EPHA3: variants seen among roughly 807,000 people sequenced by gnomAD.
EPHA3 encodes the protein EPH receptor A3, also known as ephrin type-A receptor 3.
In EPHA3, 42 loss-of-function variants were observed where a neutral mutation model predicts 107.1. That is an observed-to-expected ratio of 0.39 (90% CI 0.31 to 0.51). The LOEUF is 0.51. Among genes scored for constraint, EPHA3 ranks in the 20% least tolerant of loss-of-function variants. EPHA3 has a pLI of 0.78. For missense variants in EPHA3, 1,183 were observed against 1,211.2 expected (o/e 0.98, Z 0.35); for synonymous variants, 461 against 424.8 (o/e 1.09, Z -1.05).
Position 89,279,022 on chromosome 3 carries a change from T to G in EPHA3, c.815-61894T>G, listed in dbSNP as rs536833031. Among the ~76,000 whole-genome samples, 6 of 152,342 alleles carry G rather than the reference T, an allele frequency of 3.9e-5. 1 individual carries two copies. The South Asian group carries it at 1.2e-3, about 32-fold the overall frequency. On this transcript the variant is annotated intron_variant, in intron 3 of 16. Coordinates refer to ENST00000336596, the MANE Select transcript of EPHA3 (RefSeq NM_005233.6). ...TTGAACCAAATGTGTATATAGTGTT[T>G]TTTTCCCCTCACATTTTTAAATAGC... is the stretch of plus-strand genomic sequence containing the variant.
intron 10 of EPHA3, among the ~76,000 whole-genome samples, chr3:89,413,716 G>A (rs1210280296): frequency 6.6e-6 from 1 of 151,634 alleles, no homozygotes; most frequent in Non-Finnish European, 1.5e-5. Context: ...ACTATCTTGG[G>A]TGGATATTTT....
intron 3 of EPHA3, among the ~76,000 whole-genome samples, chr3:89,314,790 G>C (rs990520065): frequency 2.0e-5 from 3 of 151,932 alleles, no homozygotes; most frequent in Admixed American, 2.0e-4. Context: ...ATTATTCCCT[G>C]ATGGAAATTA....
At chr3:89,362,526 C>T (rs1470696614) in intron 5 of EPHA3, among the ~76,000 whole-genome samples, 1 of 151,088 alleles carries the variant, frequency 6.6e-6, no homozygotes, top group Admixed American at 6.7e-5. Context: ...TTTTTTTAGT[C>T]ACAAAGGCTG....
At chr3:89,325,998 A>G (rs906582780) in intron 3 of EPHA3, among the ~76,000 whole-genome samples, 2 of 151,284 alleles carry the variant, frequency 1.3e-5, no homozygotes, top group African/African-American at 4.8e-5. Context: ...AGAATACAAA[A>G]TTAAAATATA....
chr3:89,432,765 A>T (rs183500400), intron 13 of EPHA3, among the ~76,000 whole-genome samples: 1 of 152,274 alleles, frequency 6.6e-6, no homozygotes, highest in Non-Finnish European at 1.5e-5. Flanking sequence ...GCATAAAGTT[A>T]CAAAAATGGG....
At chr3:89,235,283 A>C (rs1359971843) in intron 3 of EPHA3, among the ~76,000 whole-genome samples, 1 of 152,076 alleles carries the variant, frequency 6.6e-6, no homozygotes, top group Non-Finnish European at 1.5e-5. Context: ...GATTTTAAAA[A>C]TTTTCATTAA....
At chr3:89,230,629 T>C (rs1348898342) in intron 3 of EPHA3, among the ~76,000 whole-genome samples, 1 of 152,114 alleles carries the variant, frequency 6.6e-6, no homozygotes, top group African/African-American at 2.4e-5. Context: ...TGTTGTTGTT[T>C]AGTTGTTTGT....
At chr3:89,445,439 C>T (rs1201846979) in intron 13 of EPHA3, among the ~76,000 whole-genome samples, 1 of 151,976 alleles carries the variant, frequency 6.6e-6, no homozygotes, top group Admixed American at 6.6e-5. Flanking sequence ...AGTATATAAG[C>T]TCAATTAACT....
intron 2 of EPHA3, among the ~76,000 whole-genome samples, chr3:89,139,608 G>A (rs973799834): frequency 6.6e-6 from 1 of 151,758 alleles, no homozygotes; most frequent in African/African-American, 2.4e-5. Context: ...ACTTTATTTA[G>A]AGCAGTAAAA....
At chr3:89,437,504 G>T (rs1418771594) in intron 13 of EPHA3, among the ~76,000 whole-genome samples, 1 of 151,730 alleles carries the variant, frequency 6.6e-6, no homozygotes, top group African/African-American at 2.4e-5. Context: ...TAACATGTTT[G>T]TTATATTTTT....
At chr3:89,217,428 A>C (rs953157797) in intron 3 of EPHA3, among the ~76,000 whole-genome samples, 32 of 152,052 alleles carry the variant, frequency 2.1e-4, no homozygotes, top group African/African-American at 6.5e-4. Flanking sequence ...ACAAAAAAAA[A>C]CTCTAAACTT....
intron 3 of EPHA3, among the ~76,000 whole-genome samples, chr3:89,333,663 A>G (rs1378808050): frequency 6.6e-6 from 1 of 152,166 alleles, no homozygotes; most frequent in Admixed American, 6.5e-5. Flanking sequence ...CACTAAGGTC[A>G]GGAGTTCGAG....
intron 2 of EPHA3, among the ~76,000 whole-genome samples, chr3:89,177,937 A>C (rs536296826): frequency 6.6e-6 from 1 of 152,314 alleles, no homozygotes; most frequent in African/African-American, 2.4e-5. Flanking sequence ...TTTCCAAAGA[A>C]GACTGAGTCA....
At chr3:89,130,945 A>T (rs1412297908) in intron 2 of EPHA3, among the ~76,000 whole-genome samples, 2 of 152,128 alleles carry the variant, frequency 1.3e-5, no homozygotes, top group African/African-American at 4.8e-5. Context: ...CCCTATCTCC[A>T]TTTTTAAATG....
At chr3:89,366,092 T>G (rs114328348) in intron 5 of EPHA3, among the ~76,000 whole-genome samples, 2,330 of 150,454 alleles carry the variant, frequency 0.015, 63 homozygotes, top group African/African-American at 0.054. Context: ...CCTGGGGAAA[T>G]GAGGGAGATG....
intron 3 of EPHA3, among the ~76,000 whole-genome samples, chr3:89,314,992 C>A (rs1207585881): frequency 2.0e-5 from 3 of 151,686 alleles, no homozygotes; most frequent in East Asian, 1.9e-4. Context: ...ATCTGTACAG[C>A]ATGTTATGGC....
intron 2 of EPHA3, among the ~76,000 whole-genome samples, chr3:89,177,354 C>T (rs1463472028): frequency 2.0e-5 from 3 of 152,028 alleles, no homozygotes; most frequent in Non-Finnish European, 2.9e-5. Context: ...ACATCCAGAG[C>T]GACCACAAGT....
intron 2 of EPHA3, among the ~76,000 whole-genome samples, chr3:89,135,770 A>ATGT (rs1704297293): frequency 6.6e-6 from 1 of 151,616 alleles, no homozygotes; most frequent in Non-Finnish European, 1.5e-5. Context: ...CTGAAAAAAA[A>ATGT]AACTATGTAA....
At chr3:89,335,829 T>C (rs186230640) in intron 3 of EPHA3, among the ~76,000 whole-genome samples, 1 of 152,312 alleles carries the variant, frequency 6.6e-6, no homozygotes, top group Non-Finnish European at 1.5e-5. Context: ...GGGGTTAAGA[T>C]CCATGAATAA....
Sources: gnomAD v4.1 joint callset for allele counts (sites outside exome capture counted in the v4.1 genomes callset) on GRCh38, gnomAD v4.1.1 for gene constraint, MANE v1.5 for transcripts, NCBI Gene and HGNC (gene_info 2026-07-23, HGNC 2026-07-21) for gene names.